Variants in INTS10 observed in about 807,000 individuals in gnomAD.
The protein encoded by INTS10 is chromosome 8 open reading frame 35.
A neutral mutation model predicts 94.4 loss-of-function variants in INTS10; 44 were observed. The ratio of observed to expected loss-of-function variants is 0.47; its 90% CI spans 0.37 to 0.60. INTS10 has a LOEUF of 0.60. Ranked by LOEUF, INTS10 falls within the 20% of genes least tolerant of loss-of-function variation. The probability of loss-of-function intolerance (pLI) is 0.00; values close to 1 mark genes in which losing one functional copy is unlikely to be tolerated. For missense variants in INTS10, 797 were observed against 868.7 expected (o/e 0.92, Z 1.04); for synonymous variants, 341 against 320.7 (o/e 1.06, Z -0.68).
chr8:19,850,441 G>A (rs980155451), intron 16 of INTS10, among the ~76,000 whole-genome samples: 2 of 152,086 alleles, frequency 1.3e-5, no homozygotes, highest in African/African-American at 4.8e-5. Context: ...ACATCCATGG[G>A]CATTAGAAGG....
At chr8:19,841,761 T>G (rs1184948597) in intron 13 of INTS10, 1 of 448,054 alleles carries the variant, frequency 2.2e-6, no homozygotes, top group Non-Finnish European at 4.5e-6. Flanking sequence ...AATTATTAAA[T>G]GTACCTCGCG....
intron 15 of INTS10, chr8:19,845,278 T>G (rs1451105561): frequency 6.3e-6 from 1 of 159,304 alleles, no homozygotes; most frequent in East Asian, 1.7e-4. Context: ...AATTTTATGT[T>G]CTGTAACACC....
At chr8:19,845,650 C>T (rs1251955021) in intron 15 of INTS10, 54 bp from the exon 16 acceptor site, 2 of 1,298,140 alleles carry the variant, frequency 1.5e-6, no homozygotes, top group Non-Finnish European at 2.2e-6. Flanking sequence ...ATTTCCTCAT[C>T]AGAGAAAACT....
chr8:19,838,023 A>C (rs1395214670), intron 13 of INTS10, among the ~76,000 whole-genome samples: 1 of 152,222 alleles, frequency 6.6e-6, no homozygotes, highest in African/African-American at 2.4e-5. Flanking sequence ...AGTTTCTTAA[A>C]CACAATTTAC....
chr8:19,828,803 C>T (rs2067005292), intron 9 of INTS10, among the ~76,000 whole-genome samples: 2 of 151,986 alleles, frequency 1.3e-5, no homozygotes, highest in Non-Finnish European at 2.9e-5. Context: ...GCAATCCTCC[C>T]ACCTTGGCCT....
At chr8:19,844,423 T>C (rs533588773) in intron 15 of INTS10, among the ~76,000 whole-genome samples, 185 bp downstream of exon 15, 1 of 152,182 alleles carries the variant, frequency 6.6e-6, no homozygotes, top group Non-Finnish European at 1.5e-5. Flanking sequence ...AAAGACATGA[T>C]TCAAGGAATT....
Position 19,832,170 on chromosome 8 carries a change from C to G in INTS10, c.1377+60C>G. The G allele has an allele frequency of 3.3e-6, 3 of 912,646 alleles. No homozygotes were observed. The South Asian group carries it at 3.9e-5, about 12-fold the overall frequency. The allele number at this position is 912,646 out of a possible 1,614,324, so 56.5% of individuals were successfully genotyped here. ...TGTACAGCATGGCTATGGTGGCAAA[C>G]CAGCTTTCCTATGCAGAATGTGTCA... On this transcript the variant is annotated intron_variant, in intron 11 of 16. Coordinates refer to ENST00000397977, the MANE Select transcript of INTS10 (RefSeq NM_018142.4).
chr8:19,841,612 C>T (rs2068129936), intron 13 of INTS10, among the ~76,000 whole-genome samples: 1 of 152,128 alleles, frequency 6.6e-6, no homozygotes, highest in African/African-American at 2.4e-5. Context: ...CAATAAACTA[C>T]CATTTCACAC....
chr8:19,842,498 T>C (rs975424374), intron 13 of INTS10, among the ~76,000 whole-genome samples: 2 of 152,194 alleles, frequency 1.3e-5, no homozygotes, highest in Admixed American at 6.5e-5. Flanking sequence ...TTGTGATTAT[T>C]GATATTAGAA....
chr8:19,836,607 T>G (rs80168484), intron 12 of INTS10, among the ~76,000 whole-genome samples: 3,546 of 152,342 alleles, frequency 0.023, 142 homozygotes, highest in African/African-American at 0.081. Flanking sequence ...AAGCTTTTCT[T>G]GCTAGTTTCT....
Position 19,842,943 on chromosome 8 carries a change from A to C in INTS10, c.1719+16A>C, listed in dbSNP as rs981774684. 9 of 1,489,994 alleles carry C rather than the reference A, an allele frequency of 6.0e-6. No individual in the cohort carries two copies. In the African/African-American group the frequency reaches 1.3e-4, roughly 21 times the overall value. 92.3% of individuals were successfully genotyped at this position (1,489,994 alleles called of 1,614,324 possible). The stretch of plus-strand genomic sequence containing the variant: ...CTGTTTTAAGGTAAGCTTAAAGTTG[A>C]TTAGCTTGAAAAAAAATGTAATTTC... On this transcript the variant is annotated intron_variant, in intron 14 of 16. Transcript: ENST00000397977.
chr8:19,823,824 A>G, intron 6 of INTS10, 49 bp from the exon 7 acceptor site: 8 of 1,451,444 alleles, frequency 5.5e-6, no homozygotes, highest in Non-Finnish European at 7.4e-6. Flanking sequence ...TACCATGTCA[A>G]CAGTAAGTCA....
At chr8:19,829,783 C>T (rs1458844744) in intron 9 of INTS10, among the ~76,000 whole-genome samples, 1 of 152,150 alleles carries the variant, frequency 6.6e-6, no homozygotes. Flanking sequence ...ATTCTTGTGT[C>T]TCAACCTCCT....
rs530951339 is a variant in INTS10, at chr8:19,836,532, C to T, written c.1531-520C>T. On this transcript the variant is annotated intron_variant, in intron 12 of 16. Coordinates refer to ENST00000397977, the MANE Select transcript of INTS10 (RefSeq NM_018142.4). ...ATGTCTTTCTCTCCTGCCTGAAAGGCGTCTTTTCTGCATTCCAAATCCTTC... is the reference window on the plus strand; with the variant it reads ...ATGTCTTTCTCTCCTGCCTGAAAGGTGTCTTTTCTGCATTCCAAATCCTTC... 7.9e-5 allele frequency among the ~76,000 whole-genome samples: 12 copies of T among 152,338 alleles called. No individual in the cohort carries two copies. The East Asian group carries it at 1.5e-3, about 20-fold the overall frequency.
At chr8:19,832,419 A>T (rs1427958513) in intron 11 of INTS10, among the ~76,000 whole-genome samples, 1 of 152,034 alleles carries the variant, frequency 6.6e-6, no homozygotes, top group Non-Finnish European at 1.5e-5. Flanking sequence ...AAAATAAAAA[A>T]CTTAGCCAAG....
At chr8:19,842,726 G>C (rs1301243182) in intron 13 of INTS10, 122 bp from the exon 14 acceptor site, 2 of 590,276 alleles carry the variant, frequency 3.4e-6, no homozygotes, top group African/African-American at 3.8e-5. Flanking sequence ...AATTGAAATT[G>C]TGTGACTGTT....
intron 12 of INTS10, among the ~76,000 whole-genome samples, chr8:19,835,225 T>C (rs897053387): frequency 6.6e-6 from 1 of 152,188 alleles, no homozygotes; most frequent in Admixed American, 6.5e-5. Flanking sequence ...GCCTTTTAAC[T>C]AAGTTTTTGG....
At chr8:19,831,144 T>A (rs2067198249) in intron 10 of INTS10, among the ~76,000 whole-genome samples, 1 of 152,190 alleles carries the variant, frequency 6.6e-6, no homozygotes, top group Admixed American at 6.5e-5. Context: ...GGCCCCTTAT[T>A]TTACTTTTAG....
chr8:19,823,847 T>G (rs186431945), intron 6 of INTS10, 26 bp from the exon 7 acceptor site: 1 of 1,555,352 alleles, frequency 6.4e-7, no homozygotes. Context: ...ATGTTAATTG[T>G]AGGCTACTTT....
Sources: allele counts gnomAD v4.1 joint callset (sites outside exome capture counted in the v4.1 genomes callset), GRCh38; gene constraint gnomAD v4.1.1; transcripts MANE v1.5; gene names NCBI Gene and HGNC (gene_info 2026-07-23, HGNC 2026-07-21).